FAM20B: variants seen among roughly 807,000 people sequenced by gnomAD.
FAM20B encodes the protein FAM20B glycosaminoglycan xylosylkinase.
A neutral mutation model predicts 43.8 loss-of-function variants in FAM20B; 23 were observed. That is an observed-to-expected ratio of 0.53 (90% confidence interval 0.38 to 0.74). The LOEUF (loss-of-function observed/expected upper bound fraction) is 0.74, where lower values mean the gene tolerates loss of function less well. FAM20B is among the 30% of genes least tolerant of loss of function. FAM20B has a pLI of 0.00. For missense variants in FAM20B, 440 were observed against 510.5 expected (o/e 0.86, Z 1.33); for synonymous variants, 178 against 192.4 (o/e 0.93, Z 0.62).
Position 179,072,338 on chromosome 1 carries a change from A to G in FAM20B, c.*194A>G. The G allele has an allele frequency of 1.7e-6, 1 of 582,276 alleles. No individual in the cohort carries two copies. Among genetic ancestry groups the G allele is most frequent in the East Asian group, 2.9e-5 (1 of 35,032 alleles). The allele number at this position is 582,276 out of a possible 1,614,324, so 36.1% of individuals were successfully genotyped here. Reference sequence around the variant, plus strand: ...ACCACAAGTTTCAGAGCATGGAGACATTCCTGCTGAATCGCCTTCTCACCT... The same window carrying G: ...ACCACAAGTTTCAGAGCATGGAGACGTTCCTGCTGAATCGCCTTCTCACCT... On this transcript the variant is annotated 3_prime_UTR_variant, in exon 8 of 8. Coordinates refer to ENST00000263733, the MANE Select transcript of FAM20B (RefSeq NM_014864.4).
intron 1 of FAM20B, among the ~76,000 whole-genome samples, chr1:179,040,716 C>T (rs1263377184): frequency 2.7e-5 from 4 of 147,988 alleles, no homozygotes; most frequent in Non-Finnish European, 6.0e-5. Context: ...GGCTGACCCC[C>T]CACCTCCCTC....
chr1:179,055,411 G>C (rs1258257836), intron 4 of FAM20B, among the ~76,000 whole-genome samples: 1 of 152,056 alleles, frequency 6.6e-6, no homozygotes, highest in Non-Finnish European at 1.5e-5. Context: ...TTTTTTGCTA[G>C]AGTGAGTGGA....
At chr1:179,026,586 C>T (rs555417299) in intron 1 of FAM20B, among the ~76,000 whole-genome samples, 2 of 152,290 alleles carry the variant, frequency 1.3e-5, no homozygotes, top group Non-Finnish European at 2.9e-5. Context: ...GCCTCGTGGC[C>T]GGGAAGCGCG....
intron 1 of FAM20B, among the ~76,000 whole-genome samples, chr1:179,027,314 A>T (rs1025905702): frequency 1.3e-5 from 2 of 152,184 alleles, no homozygotes; most frequent in African/African-American, 4.8e-5. Flanking sequence ...CAGTGTTCTT[A>T]TGTATTACAA....
intron 1 of FAM20B, among the ~76,000 whole-genome samples, chr1:179,038,823 T>G (rs1455193329): frequency 2.5e-4 from 38 of 152,230 alleles, no homozygotes. Context: ...TAGTGTTGTG[T>G]ACCCTGGGAG....
intron 4 of FAM20B, among the ~76,000 whole-genome samples, chr1:179,060,373 A>G (rs183375834): frequency 3.3e-5 from 5 of 152,234 alleles, no homozygotes; most frequent in South Asian, 2.1e-4. Flanking sequence ...GGGGTCCCCA[A>G]CCCCTGGGCT....
intron 1 of FAM20B, among the ~76,000 whole-genome samples, chr1:179,041,501 C>G (rs975076003): frequency 6.6e-6 from 1 of 152,182 alleles, no homozygotes; most frequent in Non-Finnish European, 1.5e-5. Flanking sequence ...CAAAAAAATA[C>G]GAAAACCAGT....
chr1:179,040,548 T>C (rs551904467), intron 1 of FAM20B, among the ~76,000 whole-genome samples: 5 of 61,972 alleles, frequency 8.1e-5, no homozygotes, highest in East Asian at 5.4e-4. Context: ...CTGACCCCCC[T>C]ACCTCCCTCC....
chr1:179,029,507 A>T (rs148976736), intron 1 of FAM20B, among the ~76,000 whole-genome samples: 1 of 152,248 alleles, frequency 6.6e-6, no homozygotes, highest in Non-Finnish European at 1.5e-5. Context: ...AAGAATCTAC[A>T]TGACAGATGG....
At position 179,072,924 on chromosome 1, in the gene FAM20B, A is replaced by G. The variant is rs1651988568; in HGVS notation, c.*780A>G. ...TCTGCATTCTCATAGTTGTGTCCCAATTAACCAAAAAGTTGTCTCTAGAGA... is the reference window on the plus strand; with the variant it reads ...TCTGCATTCTCATAGTTGTGTCCCAGTTAACCAAAAAGTTGTCTCTAGAGA... On this transcript the variant is annotated 3_prime_UTR_variant, in exon 8 of 8. Transcript: ENST00000263733. 2.0e-5 allele frequency: 3 copies of G among 152,214 alleles called. No homozygotes were observed. Among genetic ancestry groups the G allele is most frequent in the Admixed American group, 1.3e-4 (2 of 15,280 alleles). 9.4% of individuals were successfully genotyped at this position (152,214 alleles called of 1,614,324 possible). A position where few individuals can be genotyped will look rare whatever the true frequency, so the allele number is the denominator to read the frequency against.
intron 4 of FAM20B, among the ~76,000 whole-genome samples, chr1:179,059,053 A>T (rs571557252): frequency 2.0e-4 from 30 of 152,348 alleles, no homozygotes; most frequent in African/African-American, 6.3e-4. Context: ...TCCAGGAGTA[A>T]GTGTAGACTA....
chr1:179,063,392 C>T (rs1471157728), intron 4 of FAM20B, among the ~76,000 whole-genome samples: 3 of 152,106 alleles, frequency 2.0e-5, no homozygotes, highest in Non-Finnish European at 2.9e-5. Context: ...TTGAGCCCAG[C>T]CAGGCCAACA....
intron 1 of FAM20B, among the ~76,000 whole-genome samples, chr1:179,040,126 C>A (rs1192646617): frequency 6.6e-6 from 1 of 152,216 alleles, no homozygotes; most frequent in Non-Finnish European, 1.5e-5. Flanking sequence ...TCTCCCATGT[C>A]CACCTCCTTC....
chr1:179,035,469 A>G (rs1557866700), intron 1 of FAM20B: 13 of 702,792 alleles, frequency 1.8e-5, no homozygotes, highest in Middle Eastern at 4.0e-4. Flanking sequence ...TGGGAAGCAC[A>G]TAGGCATTGA....
chr1:179,071,384 CATTAACGTCTAAGG>C (rs898073648), intron 7 of FAM20B, among the ~76,000 whole-genome samples: 43 of 152,102 alleles, frequency 2.8e-4, no homozygotes, highest in African/African-American at 9.9e-4. Flanking sequence ...TTATAGTACC[CATTAACGTCTAAGG>C]ATTAACGTCT....
rs61731084 is a variant in FAM20B, at chr1:179,050,312, G to A, written c.411G>A (p.Pro137=). 102 of 1,613,666 alleles carry A rather than the reference G, an allele frequency of 6.3e-5. No homozygotes were observed. Among genetic ancestry groups the A allele is most frequent in the South Asian group, 5.3e-4 (48 of 91,070 alleles). ...GAGACCATGTGGTGGAAGGGGAACC[G>A]TATGCTGGTTATGATAGACACAATG... ...YSRDHVVEGE[P]YAGYDRHNAE... Residue 137 remains proline (P), a synonymous_variant, in exon 3 of 8, where the codon CCG becomes CCA. Transcript: ENST00000263733.
chr1:179,070,183 T>C (rs368139998), intron 7 of FAM20B, among the ~76,000 whole-genome samples: 50 of 152,040 alleles, frequency 3.3e-4, no homozygotes, highest in African/African-American at 1.1e-3. Context: ...GTAGCTGGGA[T>C]TACAGGCATG....
At chr1:179,066,227 T>C (rs1035538055) in intron 6 of FAM20B, among the ~76,000 whole-genome samples, 1 of 152,196 alleles carries the variant, frequency 6.6e-6, no homozygotes, top group East Asian at 1.9e-4. Flanking sequence ...GAATCAGTTC[T>C]CCTTTTCTAA....
chr1:179,048,492 A>G (rs996545177), intron 2 of FAM20B, among the ~76,000 whole-genome samples: 17 of 152,152 alleles, frequency 1.1e-4, no homozygotes, highest in African/African-American at 4.1e-4. Context: ...AAAGCTCTCT[A>G]ATGTTTCACT....
Sources: allele counts gnomAD v4.1 joint callset (sites outside exome capture counted in the v4.1 genomes callset), GRCh38; gene constraint gnomAD v4.1.1; transcripts MANE v1.5; gene names NCBI Gene and HGNC (gene_info 2026-07-23, HGNC 2026-07-21).